Variants in GPR161 observed in about 807,000 individuals in gnomAD.
GPR161 encodes the protein G-protein coupled receptor RE2.
Under a neutral mutation model 39.2 loss-of-function variants are expected in GPR161, and 25 were observed. The observed-to-expected ratio is 0.64, with a 90% confidence interval of 0.47 to 0.89. GPR161 has a LOEUF of 0.89. Ranked by LOEUF, GPR161 falls within the 40% of genes least tolerant of loss-of-function variation. The pLI, the probability that GPR161 is intolerant of heterozygous loss-of-function variation, is 0.00. For synonymous variants in GPR161, 286 were observed against 276.6 expected, an observed-to-expected ratio of 1.03 and a Z score of -0.34; for missense variants, 547 against 677.8, an observed-to-expected ratio of 0.81 and a Z score of 2.14.
intron 5 of GPR161, 34 bp from the exon 6 acceptor site, chr1:168,085,830 G>T: frequency 6.3e-7 from 1 of 1,584,188 alleles, no homozygotes; most frequent in Non-Finnish European, 8.6e-7. Flanking sequence ...AGTCAGCTGA[G>T]GAGCCAGGCC....
chr1:168,115,532 G>T (rs192539432), intron 1 of GPR161, among the ~76,000 whole-genome samples: 35 of 152,118 alleles, frequency 2.3e-4, no homozygotes, highest in African/African-American at 8.2e-4. Context: ...TGCCCCTTTA[G>T]GATCAGAAGA....
intron 5 of GPR161, 73 bp downstream of exon 5, chr1:168,087,512 G>C: frequency 6.4e-7 from 1 of 1,564,644 alleles, no homozygotes; most frequent in African/African-American, 1.4e-5. Flanking sequence ...GAGCCAGCCT[G>C]AGCCAAGGAA....
intron 3 of GPR161, among the ~76,000 whole-genome samples, chr1:168,093,960 T>G (rs1257307110): frequency 1.3e-5 from 1 of 78,484 alleles, no homozygotes; most frequent in Admixed American, 1.5e-4. Flanking sequence ...CCAGCTCCCA[T>G]TCCTCGGAAA....
intron 1 of GPR161, among the ~76,000 whole-genome samples, chr1:168,122,498 C>T (rs542547735): frequency 3.3e-5 from 5 of 152,338 alleles, no homozygotes; most frequent in African/African-American, 1.2e-4. Context: ...TCCCTCAAAA[C>T]CGTAAAAAGA....
chr1:168,099,598 GTAAC>G (rs1227678092), intron 2 of GPR161, among the ~76,000 whole-genome samples: 1 of 152,076 alleles, frequency 6.6e-6, no homozygotes, highest in Non-Finnish European at 1.5e-5. Context: ...CTCCTTTATT[GTAAC>G]AAATGGTACC....
At chr1:168,128,213 G>A (rs923248600) in intron 1 of GPR161, among the ~76,000 whole-genome samples, 1 of 152,064 alleles carries the variant, frequency 6.6e-6, no homozygotes, top group Admixed American at 6.6e-5. Context: ...AAAGAATGAG[G>A]TTAGCTGGGG....
At chr1:168,095,003 GAGAGATCA>G (rs750844246) in intron 3 of GPR161, among the ~76,000 whole-genome samples, 1 of 152,182 alleles carries the variant, frequency 6.6e-6, no homozygotes, top group Non-Finnish European at 1.5e-5. Context: ...CACCTTAACC[GAGAGATCA>G]AGAGCAACAC....
At chr1:168,137,565 G>A (rs2102283912), upstream of GPR161, 2 of 640,948 alleles carry the variant, frequency 3.1e-6, no homozygotes, top group Non-Finnish European at 5.6e-6. Flanking sequence ...AAAAGGCCAG[G>A]GAGCAGTCAT....
intron 1 of GPR161, among the ~76,000 whole-genome samples, chr1:168,129,554 T>C (rs1698836212): frequency 6.6e-6 from 1 of 152,188 alleles, no homozygotes; most frequent in Admixed American, 6.5e-5. Flanking sequence ...GCCACGGCTA[T>C]GGCCCAAGTA....
At chr1:168,112,798 A>G (rs1416477806) in intron 1 of GPR161, among the ~76,000 whole-genome samples, 1 of 152,188 alleles carries the variant, frequency 6.6e-6, no homozygotes, top group African/African-American at 2.4e-5. Context: ...CAGAGGTTGC[A>G]GTGAGCTGAG....
intron 1 of GPR161, among the ~76,000 whole-genome samples, chr1:168,117,379 C>T (rs1357335817): frequency 6.6e-6 from 1 of 151,996 alleles, no homozygotes; most frequent in Non-Finnish European, 1.5e-5. Context: ...ATGACTTCTC[C>T]CCCTTTTTAA....
At chr1:168,093,569 T>C (rs751619509) in intron 3 of GPR161, among the ~76,000 whole-genome samples, 3 of 152,212 alleles carry the variant, frequency 2.0e-5, no homozygotes, top group Non-Finnish European at 4.4e-5. Flanking sequence ...CCCATACAAA[T>C]TGAGAGGAAC....
chr1:168,086,780 C>T (rs923684077), intron 5 of GPR161, among the ~76,000 whole-genome samples: 5 of 152,178 alleles, frequency 3.3e-5, no homozygotes, highest in African/African-American at 4.8e-5. Flanking sequence ...GCCAGTGAAG[C>T]GAATGAACTG....
At chr1:168,115,000 C>T (rs756376575) in intron 1 of GPR161, among the ~76,000 whole-genome samples, 2 of 151,996 alleles carry the variant, frequency 1.3e-5, no homozygotes, top group South Asian at 2.1e-4. Flanking sequence ...TGTCCGGAAG[C>T]GTTGGAGGAC....
At chr1:168,096,405 C>T (rs180719810) in intron 3 of GPR161, 103 bp downstream of exon 3, 9 of 1,167,594 alleles carry the variant, frequency 7.7e-6, no homozygotes, top group African/African-American at 3.1e-5. Context: ...TGAGCCTTAC[C>T]GCCAGTCAGC....
intron 1 of GPR161, among the ~76,000 whole-genome samples, chr1:168,125,954 C>CA (rs1218906923): frequency 4.6e-5 from 7 of 152,164 alleles, no homozygotes; most frequent in Admixed American, 4.6e-4. Flanking sequence ...TATGACACAT[C>CA]CTCTAAGTCA....
At chr1:168,112,206 C>T (rs1306398133) in intron 1 of GPR161, among the ~76,000 whole-genome samples, 2 of 152,014 alleles carry the variant, frequency 1.3e-5, no homozygotes, top group Non-Finnish European at 2.9e-5. Context: ...TGGGACCAGG[C>T]ATGGTGGCTC....
chr1:168,090,995 TA>T (rs1191457895), intron 3 of GPR161, among the ~76,000 whole-genome samples: 1 of 152,210 alleles, frequency 6.6e-6, no homozygotes, highest in Non-Finnish European at 1.5e-5. Context: ...ATCTTCCCGT[TA>T]AAGATGGAGG....
intron 5 of GPR161, 127 bp from the exon 6 acceptor site, chr1:168,085,923 A>G (rs773138784): frequency 6.5e-6 from 5 of 773,242 alleles, no homozygotes; most frequent in Non-Finnish European, 1.0e-5. Context: ...CGTGGGTTTC[A>G]AAGTTCCATT....
Sources: gnomAD v4.1 joint callset for allele counts (sites outside exome capture counted in the v4.1 genomes callset) on GRCh38, gnomAD v4.1.1 for gene constraint, MANE v1.5 for transcripts, NCBI Gene and HGNC (gene_info 2026-07-23, HGNC 2026-07-21) for gene names.